Variants in FGFR2 observed in about 807,000 individuals in gnomAD.
The protein encoded by FGFR2 is fibroblast growth factor receptor 2.
A neutral mutation model predicts 95.9 loss-of-function variants in FGFR2; 19 were observed. The observed-to-expected ratio is 0.20, with a 90% CI of 0.14 to 0.29. The LOEUF (loss-of-function observed/expected upper bound fraction) is 0.29. Ranked by LOEUF, FGFR2 falls within the 10% of genes least tolerant of loss-of-function variation. FGFR2 has a pLI of 1.00. For synonymous variants in FGFR2, 392 were observed against 393.3 expected, an observed-to-expected ratio of 1.00 and a Z score of 0.04; for missense variants, 707 against 1,056.9, an observed-to-expected ratio of 0.67 and a Z score of 4.59.
chr10:121,597,080 G>A (rs1863533735), intron 1 of FGFR2, among the ~76,000 whole-genome samples: 1 of 152,204 alleles, frequency 6.6e-6, no homozygotes, highest in African/African-American at 2.4e-5. Context: ...TGAATTGGGA[G>A]AAAGGAAGGA....
chr10:121,499,922 C>T (rs1454657241), intron 11 of FGFR2, among the ~76,000 whole-genome samples: 2 of 152,172 alleles, frequency 1.3e-5, no homozygotes, highest in African/African-American at 4.8e-5. Context: ...TGCTACTTCC[C>T]CTTGGGAGGG....
chr10:121,535,409 G>A (rs908836202), intron 6 of FGFR2, among the ~76,000 whole-genome samples: 8 of 152,184 alleles, frequency 5.3e-5, no homozygotes, highest in Non-Finnish European at 1.5e-5. Flanking sequence ...GGGGCCCCAG[G>A]TATGGCCACG....
At chr10:121,507,537 G>A (rs190511289) in intron 9 of FGFR2, among the ~76,000 whole-genome samples, 225 of 152,256 alleles carry the variant, frequency 1.5e-3, no homozygotes, top group African/African-American at 4.8e-3. Flanking sequence ...GCGGTGAGCC[G>A]AGATGGTGCC....
Position 121,575,036 on chromosome 10 carries a change from G to A in FGFR2, c.110-9332C>T, listed in dbSNP as rs576875967. Among the ~76,000 whole-genome samples, 13 of 152,288 alleles carry A rather than the reference G, an allele frequency of 8.5e-5. No individual in the cohort carries two copies. The South Asian group carries it at 2.1e-3, about 24-fold the overall frequency. ...ACAGCCGCCTCTGCAGCGGTAGCTG[G>A]ATTTCTCCAGAAACTCCAGACTGGC... On this transcript the variant is annotated intron_variant, in intron 2 of 17. Coordinates refer to ENST00000358487, the MANE Select transcript of FGFR2 (RefSeq NM_000141.5).
intron 9 of FGFR2, among the ~76,000 whole-genome samples, chr10:121,514,475 G>A (rs1014990569): frequency 8.5e-5 from 13 of 152,116 alleles, no homozygotes; most frequent in African/African-American, 3.1e-4. Context: ...TCTGTTGCTG[G>A]TTCCATACAA....
At chr10:121,524,039 T>C (rs993973249) in intron 6 of FGFR2, among the ~76,000 whole-genome samples, 8 of 151,836 alleles carry the variant, frequency 5.3e-5, no homozygotes. Context: ...TTGTTTTCCT[T>C]GTGGTCAAAG....
At chr10:121,520,230 G>A (rs910667779) in intron 6 of FGFR2, 61 bp from the exon 7 acceptor site, 2 of 1,528,660 alleles carry the variant, frequency 1.3e-6, no homozygotes, top group Admixed American at 3.9e-5. Flanking sequence ...CAATAAATAA[G>A]CTGTGTTGTC....
At chr10:121,578,062 C>T (rs577900636) in intron 2 of FGFR2, among the ~76,000 whole-genome samples, 1 of 152,280 alleles carries the variant, frequency 6.6e-6, no homozygotes, top group African/African-American at 2.4e-5. Flanking sequence ...CTGCATCCCA[C>T]AGGTCTCCTC....
chr10:121,566,051 T>C (rs1857624132), intron 2 of FGFR2: 2 of 404,086 alleles, frequency 4.9e-6, no homozygotes, highest in Non-Finnish European at 9.3e-6. Context: ...TCTGTTATTG[T>C]GGTATGTTTT....
chr10:121,545,661 G>A (rs1334894030), intron 5 of FGFR2, among the ~76,000 whole-genome samples: 1 of 152,146 alleles, frequency 6.6e-6, no homozygotes, highest in Non-Finnish European at 1.5e-5. Context: ...AAGTACATTA[G>A]TCATGATTTC....
intron 10 of FGFR2, among the ~76,000 whole-genome samples, chr10:121,503,374 T>C (rs1208620405): frequency 1.3e-5 from 2 of 152,232 alleles, no homozygotes; most frequent in Admixed American, 1.3e-4. Context: ...TGGGTAGCGG[T>C]CCTTAAGGCC....
chr10:121,584,378 C>T (rs1649178), intron 2 of FGFR2, among the ~76,000 whole-genome samples: 4 of 145,880 alleles, frequency 2.7e-5, no homozygotes, highest in East Asian at 4.1e-4. Context: ...CTCTCCATCC[C>T]GCACCCCACC....
At chr10:121,582,885 G>C (rs1008300468) in intron 2 of FGFR2, among the ~76,000 whole-genome samples, 1 of 152,348 alleles carries the variant, frequency 6.6e-6, no homozygotes, top group East Asian at 1.9e-4. Flanking sequence ...TGCAACTGCT[G>C]TACAGGTAGC....
intron 17 of FGFR2, among the ~76,000 whole-genome samples, chr10:121,481,409 C>T (rs1277475757): frequency 6.6e-6 from 1 of 151,924 alleles, no homozygotes. Flanking sequence ...CACACACACA[C>T]ACACACACAC....
At chr10:121,585,016 G>A (rs1219650) in intron 2 of FGFR2, among the ~76,000 whole-genome samples, 149,299 of 150,314 alleles carry the variant, frequency 0.99, 74,155 homozygotes, top group Middle Eastern at 1. Flanking sequence ...AATGTTCTTC[G>A]CCGGGCCTAA....
intron 1 of FGFR2, 111 bp from the exon 2 acceptor site, chr10:121,594,078 T>A (rs1187847910): frequency 3.5e-6 from 2 of 572,776 alleles, no homozygotes; most frequent in Non-Finnish European, 6.3e-6. Flanking sequence ...AACAGAGTTC[T>A]TTTTCATTAT....
chr10:121,570,567 A>G (rs925767129), intron 2 of FGFR2, among the ~76,000 whole-genome samples: 1 of 152,206 alleles, frequency 6.6e-6, no homozygotes, highest in African/African-American at 2.4e-5. Context: ...GCTGTGGCAT[A>G]CTTTTCACCT....
intron 17 of FGFR2, chr10:121,482,044 G>A (rs2133732116): frequency 1.4e-6 from 1 of 725,518 alleles, no homozygotes; most frequent in Non-Finnish European, 2.4e-6. Context: ...TCACCATGTT[G>A]GCCAGGCTGG....
intron 10 of FGFR2, among the ~76,000 whole-genome samples, chr10:121,502,600 A>G (rs555841891): frequency 6.6e-6 from 1 of 152,372 alleles, no homozygotes; most frequent in South Asian, 2.1e-4. Flanking sequence ...TCATCAGATC[A>G]GTCTCTGGAA....
Sources: gnomAD v4.1 joint callset for allele counts (sites outside exome capture counted in the v4.1 genomes callset) on GRCh38, gnomAD v4.1.1 for gene constraint, MANE v1.5 for transcripts, NCBI Gene and HGNC (gene_info 2026-07-23, HGNC 2026-07-21) for gene names.